CDH18: variants seen among roughly 807,000 people sequenced by gnomAD.
CDH18 encodes cadherin 18.
CDH18 carries 31 observed loss-of-function variants against 67.9 expected under a neutral mutation model. That is an observed-to-expected ratio of 0.46 (90% CI 0.34 to 0.62). The LOEUF (loss-of-function observed/expected upper bound fraction) is 0.62, where lower values mean the gene tolerates loss of function less well. CDH18 is among the 20% of genes least tolerant of loss of function. The pLI is 0.01. For missense variants in CDH18, 890 were observed against 975.5 expected (o/e 0.91, Z 1.17); for synonymous variants, 362 against 347.2 (o/e 1.04, Z -0.48).
At chr5:19,776,472 G>A (rs1215868710) in intron 3 of CDH18, among the ~76,000 whole-genome samples, 1 of 152,232 alleles carries the variant, frequency 6.6e-6, no homozygotes, top group Non-Finnish European at 1.5e-5. Flanking sequence ...AGAGGAGGAA[G>A]AGGATGGAAA....
At chr5:20,455,839 T>C (rs1366631836) in intron 1 of CDH18, among the ~76,000 whole-genome samples, 1 of 152,108 alleles carries the variant, frequency 6.6e-6, no homozygotes, top group Non-Finnish European at 1.5e-5. Context: ...GATTTATTCC[T>C]TTCTCATGTC....
chr5:19,693,552 A>C (rs17286639), intron 5 of CDH18, among the ~76,000 whole-genome samples: 32,567 of 152,050 alleles, frequency 0.21, 4,011 homozygotes, highest in Non-Finnish European at 0.26. Flanking sequence ...TCTTTTCCAA[A>C]TTGTACTCAT....
chr5:20,182,617 A>G (rs908327471), intron 2 of CDH18, among the ~76,000 whole-genome samples: 10 of 151,532 alleles, frequency 6.6e-5, no homozygotes, highest in Middle Eastern at 3.4e-3. Context: ...AAAAAAAAAA[A>G]AAAAAGATGG....
rs1739613788 is a variant in CDH18, at chr5:19,562,404, C to T, written c.1253+9175G>A. 2.0e-5 allele frequency among the ~76,000 whole-genome samples: 3 copies of T among 151,994 alleles called. 1 individual carries two copies. Among genetic ancestry groups the T allele is most frequent in the Admixed American group, 2.0e-4 (3 of 15,248 alleles). The stretch of plus-strand genomic sequence containing the variant: ...AAATAATTTGGTATTTCTAATCCAA[C>T]TCATCATCAATTATGTGAAAATTTC... On this transcript the variant is annotated intron_variant, in intron 8 of 12. Coordinates refer to ENST00000382275, the MANE Select transcript of CDH18 (RefSeq NM_004934.5).
At chr5:19,977,822 G>T (rs940842154) in intron 2 of CDH18, among the ~76,000 whole-genome samples, 1 of 152,074 alleles carries the variant, frequency 6.6e-6, no homozygotes, top group African/African-American at 2.4e-5. Context: ...GTTTTAAAAA[G>T]GTTGAGCAAC....
At chr5:19,980,571 G>A (rs888460618) in intron 2 of CDH18, among the ~76,000 whole-genome samples, 4 of 152,012 alleles carry the variant, frequency 2.6e-5, no homozygotes, top group Admixed American at 6.6e-5. Context: ...GTCACTCACC[G>A]GAGCTTCCTC....
chr5:20,267,518 T>C (rs935102981), intron 1 of CDH18, among the ~76,000 whole-genome samples: 3 of 152,198 alleles, frequency 2.0e-5, no homozygotes, highest in Admixed American at 6.5e-5. Flanking sequence ...TATAGATTGC[T>C]TCCAATTCAT....
intron 3 of CDH18, among the ~76,000 whole-genome samples, chr5:19,786,846 G>A (rs1460941052): frequency 6.6e-6 from 1 of 152,098 alleles, no homozygotes; most frequent in Non-Finnish European, 1.5e-5. Flanking sequence ...GCATGGCTGG[G>A]GGGGTGTTGG....
intron 8 of CDH18, among the ~76,000 whole-genome samples, chr5:19,561,263 G>A (rs1166852490): frequency 1.3e-5 from 2 of 152,098 alleles, no homozygotes; most frequent in Non-Finnish European, 2.9e-5. Flanking sequence ...CAGCCCAAAT[G>A]CCCATCCGTC....
intron 1 of CDH18, among the ~76,000 whole-genome samples, chr5:20,356,719 G>GTC (rs199599355): frequency 0.076 from 9,841 of 129,772 alleles, 466 homozygotes; most frequent in East Asian, 0.14. Context: ...ATATACCAAG[G>GTC]TCTCTCTCTC....
intron 1 of CDH18, among the ~76,000 whole-genome samples, chr5:20,285,936 T>C (rs2940446): frequency 0.12 from 17,703 of 151,596 alleles, 1,574 homozygotes; most frequent in African/African-American, 0.24. Flanking sequence ...AGACCTGTTC[T>C]GCATATCTTT....
At chr5:19,771,416 C>T (rs867464324) in intron 3 of CDH18, among the ~76,000 whole-genome samples, 1 of 152,190 alleles carries the variant, frequency 6.6e-6, no homozygotes, top group Non-Finnish European at 1.5e-5. Flanking sequence ...GAGAGGCTCA[C>T]GTGGCAAGAA....
intron 11 of CDH18, among the ~76,000 whole-genome samples, chr5:19,485,383 G>A (rs1740215114): frequency 6.6e-6 from 1 of 151,918 alleles, no homozygotes; most frequent in African/African-American, 2.4e-5. Flanking sequence ...AGCCTCCAGA[G>A]TAGCTGGGAC....
At chr5:20,125,246 T>C (rs1561810753) in intron 2 of CDH18, among the ~76,000 whole-genome samples, 1 of 151,980 alleles carries the variant, frequency 6.6e-6, no homozygotes, top group East Asian at 1.9e-4. Flanking sequence ...TGAAAGTAAA[T>C]GCAACTAAGA....
chr5:20,301,787 T>C (rs1270658646), intron 1 of CDH18, among the ~76,000 whole-genome samples: 2 of 60,670 alleles, frequency 3.3e-5, no homozygotes, highest in Non-Finnish European at 6.8e-5. Flanking sequence ...TCTTTCTTTT[T>C]TCTTTTTTTT....
In CDH18 at chr5:20,158,954, T is replaced by C. The variant is rs147070408; in HGVS notation, c.-518+96490A>G. The C allele has an allele frequency of 6.0e-4, 102 of 169,026 alleles. No individual in the cohort carries two copies. In the South Asian group the frequency reaches 0.016, roughly 27 times the overall value. The allele number at this position is 169,026 out of a possible 1,614,324, so 10.5% of individuals were successfully genotyped here. On this transcript the variant is annotated intron_variant, in intron 2 of 14. Coordinates refer to the CDH18 transcript ENST00000507958. ...TATCATCTTGCAAATTCTTTTGAGG[T>C]CAACCTTTCCCTCATCTAAGGCCCA...
intron 3 of CDH18, among the ~76,000 whole-genome samples, chr5:19,813,375 A>G (rs1272234313): frequency 1.3e-5 from 2 of 152,006 alleles, no homozygotes; most frequent in African/African-American, 4.8e-5. Flanking sequence ...GAAAGTTAAA[A>G]CTCATTTCTA....
intron 2 of CDH18, among the ~76,000 whole-genome samples, chr5:19,868,653 A>G (rs1330522822): frequency 6.6e-6 from 1 of 152,202 alleles, no homozygotes. Context: ...AGACTGAACC[A>G]TAAAAACCTT....
upstream of CDH18, among the ~76,000 whole-genome samples, chr5:19,990,613 T>C (rs969402937): frequency 6.6e-6 from 1 of 152,230 alleles, no homozygotes; most frequent in Non-Finnish European, 1.5e-5. Context: ...ATAAGGGCTC[T>C]AGATTCTCCA....
Sources: gnomAD v4.1 joint callset for allele counts (sites outside exome capture counted in the v4.1 genomes callset) on GRCh38, gnomAD v4.1.1 for gene constraint, MANE v1.5 for transcripts, NCBI Gene and HGNC (gene_info 2026-07-23, HGNC 2026-07-21) for gene names.